The following CNTN1 variants were observed in gnomAD, a reference collection of about 807,000 sequenced individuals.
The protein encoded by CNTN1 is contactin 1.
In CNTN1, 38 loss-of-function variants were observed where a neutral mutation model predicts 126.4. The observed-to-expected ratio is 0.30, with a 90% CI of 0.23 to 0.39. CNTN1 has a LOEUF of 0.39. Among genes scored for constraint, CNTN1 ranks in the 10% least tolerant of loss-of-function variants. The pLI is 1.00. For missense variants in CNTN1, 1,009 were observed against 1,248.4 expected, an observed-to-expected ratio of 0.81 and a Z score of 2.89; for synonymous variants, 413 against 422.6, an observed-to-expected ratio of 0.98 and a Z score of 0.28.
chr12:40,707,537 C>T (rs1395713035), intron 1 of CNTN1, among the ~76,000 whole-genome samples: 2 of 152,184 alleles, frequency 1.3e-5, no homozygotes, highest in Non-Finnish European at 2.9e-5. Context: ...CAGGCTTCCT[C>T]TTTCATTTCT....
At chr12:40,845,978 TG>T in intron 1 of CNTN1, among the ~76,000 whole-genome samples, 1 of 152,220 alleles carries the variant, frequency 6.6e-6, no homozygotes, top group East Asian at 1.9e-4. Flanking sequence ...AGTTGGGGAA[TG>T]TGAATTACAT....
intron 17 of CNTN1, among the ~76,000 whole-genome samples, chr12:41,006,205 G>T (rs528923786): frequency 1.3e-5 from 2 of 152,266 alleles, no homozygotes; most frequent in East Asian, 1.9e-4. Context: ...CCAATTCCTG[G>T]ACTGCATGCT....
At chr12:40,878,544 G>A (rs561142766) in intron 1 of CNTN1, among the ~76,000 whole-genome samples, 1 of 152,190 alleles carries the variant, frequency 6.6e-6, no homozygotes, top group African/African-American at 2.4e-5. Flanking sequence ...ATGAGGAAAA[G>A]TTTAGACAAA....
Position 40,930,012 on chromosome 12 carries a change from T to G in CNTN1, c.703+10T>G. ...ATTCCAATACCTGAACGTAAGTATT[T>G]TATTTGTTACACTCTGTTTTCGCAA... On this transcript the variant is annotated intron_variant, in intron 7 of 23. Transcript: ENST00000551295. 6.3e-7 allele frequency: 1 copy of G among 1,594,190 alleles called. No homozygotes were observed.
At chr12:40,749,469 T>A (rs2136394949) in intron 1 of CNTN1, among the ~76,000 whole-genome samples, 1 of 152,218 alleles carries the variant, frequency 6.6e-6, no homozygotes, top group South Asian at 2.1e-4. Context: ...AAAATAAGAC[T>A]TCCTCTGGGT....
chr12:41,033,499 T>G (rs1949189968), intron 23 of CNTN1, among the ~76,000 whole-genome samples: 1 of 148,222 alleles, frequency 6.7e-6, no homozygotes, highest in Admixed American at 6.6e-5. Flanking sequence ...TTTAAGTCTT[T>G]ACTTTTCTTT....
intron 1 of CNTN1, among the ~76,000 whole-genome samples, chr12:40,767,978 C>G (rs924649244): frequency 7.1e-4 from 29 of 40,678 alleles, no homozygotes; most frequent in African/African-American, 1.9e-3. Flanking sequence ...ATCAGTTATA[C>G]TTCTAAAGAC....
At chr12:40,908,311 C>T in intron 1 of CNTN1, 46 bp from the exon 2 acceptor site, 5 of 683,270 alleles carry the variant, frequency 7.3e-6, no homozygotes, top group East Asian at 2.8e-5. Flanking sequence ...TTCCCCTCTC[C>T]TTCCTTCTAA....
At chr12:40,914,232 C>T (rs1055770697) in intron 3 of CNTN1, among the ~76,000 whole-genome samples, 2 of 152,072 alleles carry the variant, frequency 1.3e-5, no homozygotes, top group African/African-American at 4.8e-5. Context: ...GAACATAATG[C>T]TTACATTACT....
intron 1 of CNTN1, among the ~76,000 whole-genome samples, chr12:40,714,019 T>G (rs905151671): frequency 1.3e-5 from 2 of 151,954 alleles, no homozygotes; most frequent in Admixed American, 6.6e-5. Flanking sequence ...AGATCTTATT[T>G]TATTCTTTGA....
At chr12:40,855,483 C>T (rs1942873558) in intron 1 of CNTN1, among the ~76,000 whole-genome samples, 1 of 151,758 alleles carries the variant, frequency 6.6e-6, no homozygotes, top group Non-Finnish European at 1.5e-5. Flanking sequence ...TCATGGATTT[C>T]ACTCTTTTAT....
chr12:40,707,235 T>C (rs1488104731), intron 1 of CNTN1, among the ~76,000 whole-genome samples: 3 of 1,968 alleles, frequency 1.5e-3, no homozygotes, highest in East Asian at 0.083. Context: ...TTCTTTTTTT[T>C]TTTTTTTTTT....
intron 1 of CNTN1, among the ~76,000 whole-genome samples, chr12:40,744,218 G>T (rs1938074370): frequency 6.6e-6 from 1 of 151,810 alleles, no homozygotes; most frequent in Admixed American, 6.6e-5. Context: ...GTTGATAGGT[G>T]CAGCAAACCA....
intron 1 of CNTN1, among the ~76,000 whole-genome samples, chr12:40,896,820 A>G (rs1288733597): frequency 6.6e-6 from 1 of 152,226 alleles, no homozygotes; most frequent in Non-Finnish European, 1.5e-5. Flanking sequence ...GATTTTTGAC[A>G]AGGGAGAAGA....
chr12:40,797,082 C>T (rs951173368), intron 1 of CNTN1, among the ~76,000 whole-genome samples: 1 of 152,060 alleles, frequency 6.6e-6, no homozygotes, highest in Non-Finnish European at 1.5e-5. Context: ...CTGGTGCATT[C>T]ACCTATTGAT....
chr12:41,003,450 C>T (rs1387259887), intron 17 of CNTN1, among the ~76,000 whole-genome samples: 1 of 152,010 alleles, frequency 6.6e-6, no homozygotes, highest in East Asian at 1.9e-4. Flanking sequence ...CAGGATGATG[C>T]TAGTCTCATA....
intron 1 of CNTN1, among the ~76,000 whole-genome samples, chr12:40,828,833 A>G (rs1941707925): frequency 6.6e-6 from 1 of 152,186 alleles, no homozygotes; most frequent in African/African-American, 2.4e-5. Flanking sequence ...CCTTGAGGGA[A>G]GACCTTGCTG....
At chr12:40,997,214 T>C (rs991660358) in intron 17 of CNTN1, among the ~76,000 whole-genome samples, 4 of 152,252 alleles carry the variant, frequency 2.6e-5, no homozygotes, top group Admixed American at 2.0e-4. Flanking sequence ...TAATGTGTCA[T>C]TGTAAGACAT....
intron 6 of CNTN1, 104 bp downstream of exon 6, chr12:40,924,756 T>C (rs1014389210): frequency 9.9e-6 from 7 of 708,618 alleles, no homozygotes; most frequent in African/African-American, 1.8e-5. Flanking sequence ...TGGCTTATTA[T>C]TAATTAAATG....
Sources: gnomAD v4.1 joint callset for allele counts (sites outside exome capture counted in the v4.1 genomes callset) on GRCh38, gnomAD v4.1.1 for gene constraint, MANE v1.5 for transcripts, NCBI Gene and HGNC (gene_info 2026-07-23, HGNC 2026-07-21) for gene names.